Variants in MSRA observed in about 807,000 individuals in gnomAD.
MSRA encodes methionine sulfoxide reductase A.
In MSRA, 54 loss-of-function variants were observed where a neutral mutation model predicts 31.3. That is an observed-to-expected ratio of 1.73 (90% CI 1.39 to 2.17). MSRA has a LOEUF of 2.17. MSRA is among the 30% of genes most tolerant of loss of function. The pLI is 0.00. For missense variants in MSRA, 507 were observed against 300.9 expected, an observed-to-expected ratio of 1.69 and a Z score of -5.07; for synonymous variants, 169 against 116.5, an observed-to-expected ratio of 1.45 and a Z score of -2.90.
At chr8:10,408,138 C>A (rs1807933700) in intron 5 of MSRA, among the ~76,000 whole-genome samples, 1 of 152,110 alleles carries the variant, frequency 6.6e-6, no homozygotes, top group African/African-American at 2.4e-5. Context: ...GAAACAGAGG[C>A]CAGGGAGAAA....
In MSRA at chr8:10,403,643, C is replaced by G. The variant is rs377127244; in HGVS notation, c.544-24505C>G. 2.0e-5 allele frequency among the ~76,000 whole-genome samples: 3 copies of G among 152,258 alleles called. No individual in the cohort carries two copies. The East Asian group carries it at 5.8e-4, about 29-fold the overall frequency. On this transcript the variant is annotated intron_variant, in intron 5 of 5. Coordinates refer to ENST00000317173, the MANE Select transcript of MSRA (RefSeq NM_012331.5). The stretch of plus-strand genomic sequence containing the variant: ...GCTTGTGCCTCGTGTGTGTCTGTGG[C>G]CCACAGAGGCCTGGCTCATGGGTGC...
chr8:10,153,581 T>A (rs538376300), intron 1 of MSRA, among the ~76,000 whole-genome samples: 8 of 152,292 alleles, frequency 5.3e-5, no homozygotes, highest in African/African-American at 1.9e-4. Context: ...AGAGATACAC[T>A]GATCTTTTTT....
intron 5 of MSRA, among the ~76,000 whole-genome samples, chr8:10,332,570 A>C (rs1802770945): frequency 6.6e-6 from 1 of 152,158 alleles, no homozygotes. Context: ...CTGTGAAATA[A>C]ATATTTTAAA....
intron 1 of MSRA, among the ~76,000 whole-genome samples, chr8:10,186,296 C>T (rs1392992507): frequency 6.6e-6 from 1 of 152,132 alleles, no homozygotes; most frequent in Non-Finnish European, 1.5e-5. Context: ...ATATTTTAGG[C>T]TTTGCAGGCC....
intron 4 of MSRA, among the ~76,000 whole-genome samples, chr8:10,309,026 C>T (rs1481946649): frequency 5.3e-5 from 8 of 152,230 alleles, no homozygotes. Flanking sequence ...GGCTCCTTCT[C>T]CTTTAAGTCT....
intron 1 of MSRA, among the ~76,000 whole-genome samples, chr8:10,058,215 A>G (rs1219024442): frequency 1.3e-5 from 2 of 152,236 alleles, no homozygotes; most frequent in African/African-American, 4.8e-5. Flanking sequence ...AGAAAAAAAC[A>G]GTAGAACAAT....
chr8:10,054,597 C>G lies in MSRA; in HGVS notation c.81C>G (p.Ala27=), dbSNP rs1282122938. 22 of 1,581,014 alleles carry G rather than the reference C, an allele frequency of 1.4e-5. No individual in the cohort carries two copies. Among genetic ancestry groups the G allele is most frequent in the East Asian group, 2.5e-5 (1 of 40,272 alleles). Reference sequence around the variant, plus strand: ...CCGTCCCGAGGATGGGCAACTCGGCCTCGAACATCGTCAGCCCCCAGGAGG... The same window carrying G: ...CCGTCCCGAGGATGGGCAACTCGGCGTCGAACATCGTCAGCCCCCAGGAGG... ...LFPVPRMGNS[A]SNIVSPQEAL... The change falls in exon 1 of 6, where the codon GCC becomes GCG. Residue 27 remains alanine, a synonymous_variant. Transcript: ENST00000317173.
chr8:10,176,221 C>A (rs1273458482), intron 1 of MSRA, among the ~76,000 whole-genome samples: 1 of 152,348 alleles, frequency 6.6e-6, no homozygotes. Context: ...AGGATGAGAA[C>A]TGAAGTTTCA....
At chr8:10,402,436 G>A (rs960510440) in intron 5 of MSRA, among the ~76,000 whole-genome samples, 4 of 152,202 alleles carry the variant, frequency 2.6e-5, no homozygotes, top group Admixed American at 2.0e-4. Flanking sequence ...TCCACTTGCA[G>A]CTCCCACTCA....
chr8:10,158,088 C>G (rs186101560), intron 1 of MSRA, among the ~76,000 whole-genome samples: 1 of 152,164 alleles, frequency 6.6e-6, no homozygotes, highest in Non-Finnish European at 1.5e-5. Context: ...CACCTTCTTA[C>G]GGTGTCCTCA....
At position 10,123,519 on chromosome 8, in the gene MSRA, T is replaced by G. The variant is rs143809088; in HGVS notation, c.142+68861T>G. On this transcript the variant is annotated intron_variant, in intron 1 of 5. Transcript: ENST00000317173. Reference sequence around the variant, plus strand: ...TTTGCTGTGCAGAAGCTCTTTAGTTTAATTAGATCCCATTTGTCAATTTTT... The same window carrying G: ...TTTGCTGTGCAGAAGCTCTTTAGTTGAATTAGATCCCATTTGTCAATTTTT... Among the ~76,000 whole-genome samples, 1,296 of 152,336 alleles carry G rather than the reference T, an allele frequency of 8.5e-3. 14 individuals carry two copies. The highest frequency in any genetic ancestry group is 0.028 in the African/African-American group (1,151 of 41,584).
chr8:10,316,273 A>C (rs1314498141), intron 4 of MSRA, among the ~76,000 whole-genome samples: 2 of 151,848 alleles, frequency 1.3e-5, no homozygotes, highest in Non-Finnish European at 2.9e-5. Flanking sequence ...AATCGGAATA[A>C]TAGTGGTTAA....
chr8:10,352,208 G>C (rs985706670), intron 5 of MSRA, among the ~76,000 whole-genome samples: 3 of 152,168 alleles, frequency 2.0e-5, no homozygotes, highest in Non-Finnish European at 2.9e-5. Context: ...AGATGTTGTA[G>C]GGTTCAGTTC....
At chr8:10,323,745 C>CATGTGTGTGTGTGTGTGTGT (rs1554526752) in intron 5 of MSRA, among the ~76,000 whole-genome samples, 3 of 142,622 alleles carry the variant, frequency 2.1e-5, no homozygotes, top group Non-Finnish European at 1.5e-5. Context: ...GAATTAAATA[C>CATGTGTGTGTGTGTGTGTGT]GTGTGTGTGT....
chr8:10,115,530 G>C (rs1685378024), intron 1 of MSRA, among the ~76,000 whole-genome samples: 1 of 152,228 alleles, frequency 6.6e-6, no homozygotes, highest in African/African-American at 2.4e-5. Flanking sequence ...CTGTGTCTAA[G>C]ACCCAGATTT....
intron 1 of MSRA, among the ~76,000 whole-genome samples, chr8:10,084,507 G>A (rs543506482): frequency 2.0e-5 from 3 of 152,318 alleles, no homozygotes; most frequent in South Asian, 2.1e-4. Context: ...CAATTTTAGC[G>A]GGTGGGTATA....
chr8:10,054,347 A>C lies in MSRA; in HGVS notation c.-170A>C. ...GCCGGTACGGCCCCGGGTTTGGGCA[A>C]CCTCGATTACGGGCGGCCTCCAGCC... On this transcript the variant is annotated 5_prime_UTR_variant, in exon 1 of 6. Coordinates refer to ENST00000317173, the MANE Select transcript of MSRA (RefSeq NM_012331.5). The C allele has an allele frequency of 3.6e-6, 2 of 553,734 alleles. No individual in the cohort carries two copies. Among genetic ancestry groups the C allele is most frequent in the Non-Finnish European group, 5.4e-6 (2 of 373,306 alleles). The allele number at this position is 553,734 out of a possible 1,614,324, so 34.3% of individuals were successfully genotyped here. A position where few individuals can be genotyped will look rare whatever the true frequency, so the allele number is the denominator to read the frequency against.
In MSRA at chr8:10,427,450, G is replaced by T. The variant is rs567201648; in HGVS notation, c.544-698G>T. ...CGGGACGTAAACTAGGACGCAGAGG[G>T]TGGTGATGAGCCACAGGCCACATCC... On this transcript the variant is annotated intron_variant, in intron 5 of 5. Coordinates refer to ENST00000317173, the MANE Select transcript of MSRA (RefSeq NM_012331.5). Among the ~76,000 whole-genome samples the T allele has an allele frequency of 3.2e-3, 493 of 152,274 alleles. 3 individuals are homozygous for T. Among genetic ancestry groups the T allele is most frequent in the African/African-American group, 0.012 (481 of 41,550 alleles).
Position 10,054,409 on chromosome 8 carries a change from C to A in MSRA, c.-108C>A. ...GCCCCGCGCCCGCCCGCCCGCGCCC[C>A]TGCCGCCCCCCGGTTCCGGCCGCGG... On this transcript the variant is annotated 5_prime_UTR_variant, in exon 1 of 6. The change creates a new upstream start codon in the 5' untranslated region. Transcript: ENST00000317173. 1 of 1,027,584 alleles carries A rather than the reference C, an allele frequency of 9.7e-7. No individual in the cohort carries two copies. The highest frequency in any genetic ancestry group is 1.3e-6 in the Non-Finnish European group (1 of 793,996). 63.7% of individuals were successfully genotyped at this position (1,027,584 alleles called of 1,614,324 possible). A position where few individuals can be genotyped will look rare whatever the true frequency, so the allele number is the denominator to read the frequency against.
Sources: gnomAD v4.1 joint callset for allele counts (sites outside exome capture counted in the v4.1 genomes callset) on GRCh38, gnomAD v4.1.1 for gene constraint, MANE v1.5 for transcripts, NCBI Gene and HGNC (gene_info 2026-07-23, HGNC 2026-07-21) for gene names.